IL1R1: variants seen among roughly 807,000 people sequenced by gnomAD.
IL1R1 encodes interleukin-1 receptor type 1.
IL1R1 carries 22 observed loss-of-function variants against 50.2 expected under a neutral mutation model. The ratio of observed to expected loss-of-function variants is 0.44; its 90% CI spans 0.31 to 0.63. The LOEUF is 0.63. IL1R1 is among the 20% of genes least tolerant of loss of function. IL1R1 has a pLI of 0.07. For missense variants in IL1R1, 509 were observed against 676.2 expected, an observed-to-expected ratio of 0.75 and a Z score of 2.74; for synonymous variants, 251 against 236.7, an observed-to-expected ratio of 1.06 and a Z score of -0.55.
chr2:102,172,120 T>C (rs1028370524), intron 8 of IL1R1: 1 of 259,630 alleles, frequency 3.9e-6, no homozygotes, highest in Non-Finnish European at 5.8e-6. Context: ...GTCATTGTGG[T>C]GCAAATTACA....
Position 102,176,416 on chromosome 2 carries a change from G to C in IL1R1, c.1367G>C (p.Arg456Thr). 5.6e-6 allele frequency: 9 copies of C among 1,614,140 alleles called. No homozygotes were observed. Among genetic ancestry groups the C allele is most frequent in the South Asian group, 1.1e-5 (1 of 91,074 alleles). The change falls in exon 12 of 12, where the codon AGA becomes ACA. Residue 456 changes from arginine to threonine, a missense_variant. Arg to Thr is a moderately conservative substitution (Grantham distance 71). Coordinates refer to ENST00000410023, the MANE Select transcript of IL1R1 (RefSeq NM_000877.4). ...AGAAGACTGATTATCATTTTAGTCA[G>C]AGAAACATCAGGCTTCAGCTGGCTG... ...KSRRLIIILV[R>T]ETSGFSWLGG...
rs1447440498 is a variant in IL1R1 at position 102,179,493 on chromosome 2, TA to T, written c.*2736del. 8 of 152,820 alleles carry T rather than the reference TA, an allele frequency of 5.2e-5. No homozygotes were observed. Among genetic ancestry groups the T allele is most frequent in the African/African-American group, 9.6e-5 (4 of 41,582 alleles). The allele number at this position is 152,820 out of a possible 1,614,324, so 9.5% of individuals were successfully genotyped here. On this transcript the variant is annotated 3_prime_UTR_variant, in exon 12 of 12. Transcript: ENST00000410023. ...CCACTAAAACAAAACAAAAAACTTT[TA>T]ATGCCTTCCACATTAATTAGATTTT...
At chr2:102,097,073 G>A (rs1010784581) in intron 1 of IL1R1, among the ~76,000 whole-genome samples, 25 of 152,146 alleles carry the variant, frequency 1.6e-4, no homozygotes, top group African/African-American at 6.0e-4. Flanking sequence ...CAGTGACTTA[G>A]CACAACAAAA....
intron 5 of IL1R1, 53 bp downstream of exon 5, chr2:102,165,357 C>T: frequency 3.0e-6 from 3 of 1,000,344 alleles, no homozygotes; most frequent in Non-Finnish European, 4.3e-6. Flanking sequence ...AAAATAGTTC[C>T]CTGGACAATA....
In IL1R1 at chr2:102,084,770, G is replaced by A. The variant is rs138367794; in HGVS notation, c.-84+14237G>A. On this transcript the variant is annotated intron_variant, in intron 1 of 11. Transcript: ENST00000409929. ...TCTTGTACCTGTGAGTGAAATTACT[G>A]AGTCATAAGATATGTATTTGTTCCT... 2.6e-3 allele frequency among the ~76,000 whole-genome samples: 399 copies of A among 152,256 alleles called. 2 individuals are homozygous for A. The highest frequency in any genetic ancestry group is 9.0e-3 in the African/African-American group (375 of 41,544).
intron 7 of IL1R1, 39 bp downstream of exon 7, chr2:102,168,702 T>G: frequency 1.4e-6 from 2 of 1,468,056 alleles, no homozygotes; most frequent in Non-Finnish European, 1.9e-6. Flanking sequence ...GAATCGGTTT[T>G]TTTTTTTTAA....
chr2:102,105,490 G>A lies in IL1R1; in HGVS notation c.-84+618G>A, dbSNP rs757677561. On this transcript the variant is annotated intron_variant, in intron 1 of 10. Coordinates refer to the IL1R1 transcript ENST00000409329. Reference sequence around the variant, plus strand: ...AGCGATTCTCCTGCCTCAGCCTCCCGAGTAGCTGGGACTATAGGCGCCTGC... The same window carrying A: ...AGCGATTCTCCTGCCTCAGCCTCCCAAGTAGCTGGGACTATAGGCGCCTGC... 1.2e-4 allele frequency among the ~76,000 whole-genome samples: 18 copies of A among 152,168 alleles called. No individual in the cohort carries two copies. In the South Asian group the frequency reaches 1.2e-3, roughly 11 times the overall value.
rs1461244440 is a variant in IL1R1, at chr2:102,146,355, T to C, written c.-84+3335T>C. Among the ~76,000 whole-genome samples, 13 of 152,296 alleles carry C rather than the reference T, an allele frequency of 8.5e-5. No homozygotes were observed. In the East Asian group the frequency reaches 2.3e-3, roughly 27 times the overall value. On this transcript the variant is annotated intron_variant, in intron 1 of 11. Coordinates refer to ENST00000410023, the MANE Select transcript of IL1R1 (RefSeq NM_000877.4). The stretch of plus-strand genomic sequence containing the variant: ...TTTTGAAACGATATAATAAAACTTA[T>C]CTACAACATAAGTTTAAAAAATCAA...
At chr2:102,074,278 G>T (rs570196027) in intron 1 of IL1R1, among the ~76,000 whole-genome samples, 30 of 152,266 alleles carry the variant, frequency 2.0e-4, no homozygotes, top group African/African-American at 7.2e-4. Context: ...GTGGTCTGGG[G>T]CTGCAGTCCT....
At chr2:102,145,102 C>T (rs1683005006) in intron 1 of IL1R1, among the ~76,000 whole-genome samples, 2 of 152,320 alleles carry the variant, frequency 1.3e-5, no homozygotes, top group South Asian at 2.1e-4. Flanking sequence ...TGGAGAAGTA[C>T]AGAGATCCTT....
chr2:102,137,155 T>C (rs1282103730), intron 1 of IL1R1, among the ~76,000 whole-genome samples: 1 of 152,182 alleles, frequency 6.6e-6, no homozygotes, highest in Non-Finnish European at 1.5e-5. Context: ...GAAGGGAGGA[T>C]AGGTGTTGTT....
intron 1 of IL1R1, among the ~76,000 whole-genome samples, chr2:102,129,351 A>C (rs1681906250): frequency 6.6e-6 from 1 of 152,232 alleles, no homozygotes; most frequent in Admixed American, 6.5e-5. Flanking sequence ...CATGGTTATA[A>C]GCATTAAATG....
At chr2:102,135,938 A>G (rs1486088939) in intron 1 of IL1R1, among the ~76,000 whole-genome samples, 1 of 152,194 alleles carries the variant, frequency 6.6e-6, no homozygotes, top group East Asian at 1.9e-4. Context: ...ATTGCACAGC[A>G]CAGATCTGGA....
intron 1 of IL1R1, among the ~76,000 whole-genome samples, chr2:102,109,680 G>A (rs183582762): frequency 0.013 from 1,919 of 152,294 alleles, 53 homozygotes; most frequent in South Asian, 0.12. Context: ...ATGTGAAATG[G>A]ATTTGATTTT....
intron 1 of IL1R1, among the ~76,000 whole-genome samples, chr2:102,131,564 A>C (rs1682030032): frequency 6.6e-6 from 1 of 152,138 alleles, no homozygotes; most frequent in South Asian, 2.1e-4. Context: ...TGAGGTAAAA[A>C]AAATGACTGG....
At chr2:102,095,497 C>T (rs1679857681) in intron 1 of IL1R1, among the ~76,000 whole-genome samples, 1 of 151,924 alleles carries the variant, frequency 6.6e-6, no homozygotes, top group South Asian at 2.1e-4. Flanking sequence ...ATGTATAAGG[C>T]CCATATAAGG....
chr2:102,074,692 G>A (rs962429833), intron 1 of IL1R1, among the ~76,000 whole-genome samples: 4 of 152,176 alleles, frequency 2.6e-5, no homozygotes, highest in African/African-American at 7.2e-5. Flanking sequence ...CCAGTCAGGA[G>A]CACCCATTTT....
chr2:102,171,689 C>G, intron 7 of IL1R1, 112 bp from the exon 8 acceptor site: 1 of 520,844 alleles, frequency 1.9e-6, no homozygotes, highest in Non-Finnish European at 3.2e-6. Flanking sequence ...GGTAATTTTC[C>G]TTTTTCTTTG....
upstream of IL1R1, among the ~76,000 whole-genome samples, chr2:102,138,852 C>T (rs997611346): frequency 6.6e-6 from 1 of 151,864 alleles, no homozygotes; most frequent in Non-Finnish European, 1.5e-5. Context: ...TCACAGAGGC[C>T]CTCTGTGCAA....
Sources: allele counts gnomAD v4.1 joint callset (sites outside exome capture counted in the v4.1 genomes callset), GRCh38; gene constraint gnomAD v4.1.1; transcripts MANE v1.5; gene names NCBI Gene and HGNC (gene_info 2026-07-23, HGNC 2026-07-21).